Variants in ALK observed in about 807,000 individuals in gnomAD.
ALK encodes the protein ALK tyrosine kinase receptor.
Under a neutral mutation model 163.1 loss-of-function variants are expected in ALK, and 74 were observed. The ratio of observed to expected loss-of-function variants is 0.45; its 90% confidence interval spans 0.38 to 0.55. The LOEUF (loss-of-function observed/expected upper bound fraction) is 0.55. ALK is among the 20% of genes least tolerant of loss of function. ALK has a pLI of 0.00. For synonymous variants in ALK, 960 were observed against 843.2 expected (o/e 1.14, Z -2.40); for missense variants, 2,063 against 2,105.3 (o/e 0.98, Z 0.39).
intron 4 of ALK, among the ~76,000 whole-genome samples, chr2:29,395,782 C>T (rs1669288305): frequency 6.6e-6 from 1 of 152,196 alleles, no homozygotes; most frequent in Non-Finnish European, 1.5e-5. Context: ...GAGTGCTAGA[C>T]AAGAGACCAA....
At chr2:29,726,368 G>T (rs1281069719) in intron 1 of ALK, among the ~76,000 whole-genome samples, 1 of 152,148 alleles carries the variant, frequency 6.6e-6, no homozygotes, top group Non-Finnish European at 1.5e-5. Context: ...TTCATCTTGT[G>T]ATCTCAGAGA....
In ALK at chr2:29,248,897, G is replaced by A. The variant is rs147907587; in HGVS notation, c.2204+2208C>T. On this transcript the variant is annotated intron_variant, in intron 12 of 28. Transcript: ENST00000389048. ...AGAAAAGTCTTTGGAGACAGGAAAA[G>A]TCAGAAACTACCGCGTATGGGGTCG... 7.1e-3 allele frequency among the ~76,000 whole-genome samples: 1,075 copies of A among 152,396 alleles called. 7 individuals are homozygous for A. Among genetic ancestry groups the A allele is most frequent in the Middle Eastern group, 0.014 (4 of 294 alleles).
chr2:29,316,692 C>T (rs1364524127), intron 8 of ALK, among the ~76,000 whole-genome samples: 2 of 152,190 alleles, frequency 1.3e-5, no homozygotes, highest in Admixed American at 6.5e-5. Flanking sequence ...TACCTGCTCT[C>T]AGACACCTGA....
chr2:29,908,466 T>G (rs542339916), intron 1 of ALK, among the ~76,000 whole-genome samples: 3 of 152,230 alleles, frequency 2.0e-5, no homozygotes, highest in Non-Finnish European at 4.4e-5. Context: ...AAAGCTGCAC[T>G]CTCTCCAAGA....
chr2:29,410,763 A>G (rs1410538783), intron 4 of ALK, among the ~76,000 whole-genome samples: 7 of 152,234 alleles, frequency 4.6e-5, no homozygotes, highest in Admixed American at 3.3e-4. Context: ...GCCATGAATG[A>G]ACCTTGGAGG....
chr2:29,427,248 G>A (rs1040551994), intron 4 of ALK, among the ~76,000 whole-genome samples: 3 of 151,880 alleles, frequency 2.0e-5, no homozygotes, highest in Non-Finnish European at 2.9e-5. Context: ...TGGTAAATAC[G>A]AAGGTTAGTA....
chr2:29,658,148 T>C (rs1677243054), intron 3 of ALK, among the ~76,000 whole-genome samples: 1 of 152,148 alleles, frequency 6.6e-6, no homozygotes, highest in South Asian at 2.1e-4. Context: ...TGTAATTCCA[T>C]GGGAAACAAA....
chr2:29,597,584 A>G (rs564906978), intron 3 of ALK, among the ~76,000 whole-genome samples: 1 of 152,280 alleles, frequency 6.6e-6, no homozygotes, highest in South Asian at 2.1e-4. Flanking sequence ...GGAAGAAAAA[A>G]CCTGACAACT....
intron 7 of ALK, chr2:29,319,274 T>C (rs1666932820): frequency 6.6e-6 from 1 of 152,204 alleles, no homozygotes; most frequent in Non-Finnish European, 1.5e-5. Context: ...CTCACAACAC[T>C]TTAGGGGGCC....
rs751473124 is a variant in ALK, at chr2:29,193,642, T to C, written c.4445A>G (p.Gln1482Arg). 6.2e-7 allele frequency: 1 copy of C among 1,614,234 alleles called. No individual in the cohort carries two copies. The highest frequency in any genetic ancestry group is 8.5e-7 in the Non-Finnish European group (1 of 1,180,040). The change falls in exon 29 of 29, where the codon CAG becomes CGG. Residue 1482 changes from glutamine to arginine, a missense_variant. By Grantham distance (43) the Gln-to-Arg change is conservative. This residue lies in a region of ALK where 403 missense variants were observed against 366.2 expected (regional missense o/e 1.10). Transcript: ENST00000389048. The part of the protein sequence containing the change: ...EGGHVNMAFS[Q>R]SNPPSELHKV... ...GTGCAACTCCGAAGGAGGGTTGGAC[T>C]GAGAGAATGCCATATTCACGTGTCC... is the stretch of plus-strand genomic sequence containing the variant.
At chr2:29,261,774 G>A (rs1278507320) in intron 11 of ALK, among the ~76,000 whole-genome samples, 1 of 152,128 alleles carries the variant, frequency 6.6e-6, no homozygotes, top group African/African-American at 2.4e-5. Flanking sequence ...TCTGCTGGCA[G>A]GTGTCTCTCG....
intron 11 of ALK, among the ~76,000 whole-genome samples, chr2:29,268,148 AT>A (rs1361814851): frequency 1.3e-5 from 2 of 152,234 alleles, no homozygotes; most frequent in African/African-American, 4.8e-5. Flanking sequence ...CTTTGCCATA[AT>A]TCCAACCCCC....
At chr2:29,864,199 C>T (rs779359545) in intron 1 of ALK, among the ~76,000 whole-genome samples, 3 of 152,162 alleles carry the variant, frequency 2.0e-5, no homozygotes, top group African/African-American at 4.8e-5. Context: ...TTGTCCCTGG[C>T]TACGTACACA....
chr2:29,753,064 G>T (rs556090755), intron 1 of ALK, among the ~76,000 whole-genome samples: 2 of 152,228 alleles, frequency 1.3e-5, no homozygotes, highest in African/African-American at 2.4e-5. Flanking sequence ...CTCAGAAAAG[G>T]CCTTTGAATG....
intron 9 of ALK, among the ~76,000 whole-genome samples, chr2:29,292,604 T>C (rs1666061722): frequency 6.6e-6 from 1 of 152,214 alleles, no homozygotes; most frequent in Admixed American, 6.5e-5. Flanking sequence ...TAAGCACACA[T>C]CAAGCTGATA....
chr2:29,305,130 T>C (rs535199406), intron 8 of ALK, among the ~76,000 whole-genome samples: 6 of 152,344 alleles, frequency 3.9e-5, no homozygotes, highest in African/African-American at 1.4e-4. Context: ...CATTTTCATC[T>C]TGGACTTTGA....
chr2:29,831,070 GGGAGGA>G (rs751792416), intron 1 of ALK, among the ~76,000 whole-genome samples: 364 of 23,542 alleles, frequency 0.015, 40 homozygotes, highest in Middle Eastern at 0.056. Context: ...GGGGAGGAAG[GGGAGGA>G]GGAGGAGGAG....
chr2:29,737,160 T>C (rs940635210), intron 1 of ALK, among the ~76,000 whole-genome samples: 14 of 152,096 alleles, frequency 9.2e-5, no homozygotes, highest in African/African-American at 3.4e-4. Flanking sequence ...TAAAACAATA[T>C]AAACAATGTG....
intron 3 of ALK, among the ~76,000 whole-genome samples, chr2:29,620,939 A>T (rs1676017779): frequency 6.6e-6 from 1 of 152,238 alleles, no homozygotes; most frequent in Non-Finnish European, 1.5e-5. Context: ...GTAAAAGAAC[A>T]ACATCTCAGA....
Sources: allele counts gnomAD v4.1 joint callset (sites outside exome capture counted in the v4.1 genomes callset), GRCh38; gene constraint gnomAD v4.1.1; regional missense constraint gnomAD v4.1.1; transcripts MANE v1.5; gene names NCBI Gene and HGNC (gene_info 2026-07-23, HGNC 2026-07-21).